ADGRL3: variants seen among roughly 807,000 people sequenced by gnomAD.
ADGRL3 encodes calcium-independent alpha-latrotoxin receptor 3.
In ADGRL3, 62 loss-of-function variants were observed where a neutral mutation model predicts 153.5. That is an observed-to-expected ratio of 0.40 (90% CI 0.33 to 0.50). The LOEUF (loss-of-function observed/expected upper bound fraction) is 0.50, where lower values mean the gene tolerates loss of function less well. ADGRL3 is among the 20% of genes least tolerant of loss of function. The pLI, the probability that ADGRL3 is intolerant of heterozygous loss-of-function variation, is 0.47. For synonymous variants in ADGRL3, 710 were observed against 672.5 expected, an observed-to-expected ratio of 1.06 and a Z score of -0.86; for missense variants, 1,641 against 1,859.4, an observed-to-expected ratio of 0.88 and a Z score of 2.16.
chr4:61,368,512 C>G (rs1333354993), intron 1 of ADGRL3, among the ~76,000 whole-genome samples: 1 of 152,008 alleles, frequency 6.6e-6, no homozygotes. Context: ...TTGTTTTTCT[C>G]AGGTTTGTCA....
chr4:61,290,944 A>C (rs1183691314), intron 1 of ADGRL3, among the ~76,000 whole-genome samples: 1 of 151,990 alleles, frequency 6.6e-6, no homozygotes, highest in Non-Finnish European at 1.5e-5. Context: ...GAGCTATTAA[A>C]AATGTGAATG....
intron 5 of ADGRL3, among the ~76,000 whole-genome samples, chr4:61,603,482 A>G (rs936367592): frequency 6.6e-6 from 1 of 152,168 alleles, no homozygotes; most frequent in Non-Finnish European, 1.5e-5. Context: ...ATAGCTGGTC[A>G]TGTTCTAGGT....
chr4:61,456,403 CTATATATA>C (rs370077212), intron 2 of ADGRL3, among the ~76,000 whole-genome samples: 34 of 59,334 alleles, frequency 5.7e-4, no homozygotes, highest in African/African-American at 1.7e-3. Context: ...ATATCTATAT[CTATATATA>C]TATAGATATA....
At chr4:61,264,278 A>G (rs984269652) in intron 1 of ADGRL3, among the ~76,000 whole-genome samples, 2 of 151,988 alleles carry the variant, frequency 1.3e-5, no homozygotes, top group Non-Finnish European at 2.9e-5. Context: ...CTGAATTGAA[A>G]TTGTGTTAGC....
intron 1 of ADGRL3, among the ~76,000 whole-genome samples, chr4:61,244,518 A>G (rs556842988): frequency 1.6e-4 from 24 of 152,130 alleles, no homozygotes; most frequent in Non-Finnish European, 3.4e-4. Flanking sequence ...ATTTATATCT[A>G]TAATGCTGAT....
intron 9 of ADGRL3, among the ~76,000 whole-genome samples, chr4:61,862,244 G>T (rs2149290064): frequency 6.6e-6 from 1 of 152,218 alleles, no homozygotes; most frequent in African/African-American, 2.4e-5. Flanking sequence ...GAACAAGCTG[G>T]TTTCTCTATG....
chr4:61,558,795 A>G (rs920161634), intron 4 of ADGRL3, among the ~76,000 whole-genome samples: 1 of 151,962 alleles, frequency 6.6e-6, no homozygotes, highest in Non-Finnish European at 1.5e-5. Context: ...CCTCCATGGG[A>G]CCATTTTATT....
intron 5 of ADGRL3, among the ~76,000 whole-genome samples, chr4:61,611,391 T>A (rs534263951): frequency 1.1e-4 from 17 of 152,272 alleles, no homozygotes; most frequent in East Asian, 3.9e-4. Context: ...ACTTCTCACA[T>A]GCAGAAATAA....
At chr4:61,769,980 G>T (rs1379270513) in intron 8 of ADGRL3, among the ~76,000 whole-genome samples, 1 of 152,174 alleles carries the variant, frequency 6.6e-6, no homozygotes, top group African/African-American at 2.4e-5. Flanking sequence ...TACAGGTGCA[G>T]GTCACAGGGG....
At chr4:61,520,654 G>GTA in intron 4 of ADGRL3, among the ~76,000 whole-genome samples, 1 of 127,390 alleles carries the variant, frequency 7.8e-6, no homozygotes, top group East Asian at 2.4e-4. Flanking sequence ...ATAAACCTCT[G>GTA]TGTGTGTGTG....
chr4:61,847,906 TATAA>T (rs2098147211), intron 9 of ADGRL3, among the ~76,000 whole-genome samples: 3 of 21,644 alleles, frequency 1.4e-4, no homozygotes, highest in African/African-American at 3.4e-4. Context: ...TTATATATAA[TATAA>T]AATATATTAT....
rs2099030969 is a variant in ADGRL3, at chr4:61,972,243, C to T, written c.2806-7320C>T. The stretch of plus-strand genomic sequence containing the variant: ...ATGAAGTCCTTGCCCATATCTATGT[C>T]CTGAATGGTAATGCCTAGGTTTTCT... On this transcript the variant is annotated intron_variant, in intron 17 of 26. Transcript: ENST00000683033. 2.0e-5 allele frequency among the ~76,000 whole-genome samples: 3 copies of T among 152,078 alleles called. No individual in the cohort carries two copies. In the South Asian group the frequency reaches 6.2e-4, roughly 32 times the overall value.
chr4:62,070,910 AGAT>A lies in ADGRL3; in HGVS notation c.*5_*7del. 6.5e-7 allele frequency: 1 copy of A among 1,534,506 alleles called. No homozygotes were observed. The highest frequency in any genetic ancestry group is 8.8e-7 in the Non-Finnish European group (1 of 1,138,310). On this transcript the variant is annotated 3_prime_UTR_variant, in exon 27 of 27. Coordinates refer to ENST00000683033, the MANE Select transcript of ADGRL3 (RefSeq NM_001387552.1). ...GCTCATTTGGTCACTAGTCTATAGA[AGAT>A]GACACAGAAATTGGAACCAACAAAA...
Position 62,031,438 on chromosome 4 carries a change from A to G in ADGRL3, c.3423-4A>G. 1 of 1,598,302 alleles carries G rather than the reference A, an allele frequency of 6.3e-7. No homozygotes were observed. Among genetic ancestry groups the G allele is most frequent in the Non-Finnish European group, 8.5e-7 (1 of 1,171,372 alleles). On this transcript the variant is annotated splice_region_variant and splice_polypyrimidine_tract_variant and intron_variant, in intron 22 of 26. Transcript: ENST00000683033. ...TAACCCTTAATTTTCTCTTCTCTCT[A>G]CAGGTCATGGGTTATAGGTGCAATA...
At chr4:61,908,444 A>G (rs2098706535) in intron 11 of ADGRL3, among the ~76,000 whole-genome samples, 1 of 151,998 alleles carries the variant, frequency 6.6e-6, no homozygotes, top group African/African-American at 2.4e-5. Context: ...TAAAAATACA[A>G]AAATTAGCTG....
At chr4:61,769,148 A>G in intron 8 of ADGRL3, among the ~76,000 whole-genome samples, 1 of 151,932 alleles carries the variant, frequency 6.6e-6, no homozygotes, top group East Asian at 1.9e-4. Flanking sequence ...TTGAAACGTG[A>G]GTGTATAATC....
chr4:61,984,131 T>G (rs2099077650), intron 19 of ADGRL3, among the ~76,000 whole-genome samples: 1 of 152,144 alleles, frequency 6.6e-6, no homozygotes, highest in African/African-American at 2.4e-5. Context: ...TTAAGACATA[T>G]GTGTCGAGAT....
At chr4:61,797,154 T>C (rs904348284) in intron 8 of ADGRL3, among the ~76,000 whole-genome samples, 2 of 152,158 alleles carry the variant, frequency 1.3e-5, no homozygotes, top group East Asian at 3.9e-4. Flanking sequence ...CTTTCCTTCT[T>C]TCAGTTCCTC....
At chr4:61,894,184 A>T (rs2098609547) in intron 10 of ADGRL3, among the ~76,000 whole-genome samples, 1 of 152,158 alleles carries the variant, frequency 6.6e-6, no homozygotes, top group African/African-American at 2.4e-5. Flanking sequence ...TAAATAAGAG[A>T]AATTCACAAC....
Sources: allele counts gnomAD v4.1 joint callset (sites outside exome capture counted in the v4.1 genomes callset), GRCh38; gene constraint gnomAD v4.1.1; transcripts MANE v1.5; gene names NCBI Gene and HGNC (gene_info 2026-07-23, HGNC 2026-07-21).